Variants in PHACTR3 observed in about 807,000 individuals in gnomAD.
PHACTR3 encodes protein phosphatase 1, regulatory subunit 123.
Under a neutral mutation model 66.8 loss-of-function variants are expected in PHACTR3, and 16 were observed. That is an observed-to-expected ratio of 0.24 (90% CI 0.16 to 0.36). The LOEUF (loss-of-function observed/expected upper bound fraction) is 0.36, where lower values mean the gene tolerates loss of function less well. Ranked by LOEUF, PHACTR3 falls within the 10% of genes least tolerant of loss-of-function variation. PHACTR3 has a pLI of 1.00. For missense variants in PHACTR3, 647 were observed against 719.9 expected, an observed-to-expected ratio of 0.90 and a Z score of 1.16; for synonymous variants, 323 against 292.1, an observed-to-expected ratio of 1.11 and a Z score of -1.08.
intron 7 of PHACTR3, among the ~76,000 whole-genome samples, chr20:59,784,692 G>T (rs2040844424): frequency 6.6e-6 from 1 of 152,188 alleles, no homozygotes; most frequent in Admixed American, 6.5e-5. Context: ...AAAGTGTGAA[G>T]CCTCTGAGGG....
chr20:59,600,186 A>C (rs2033435331), upstream of PHACTR3, among the ~76,000 whole-genome samples: 1 of 151,946 alleles, frequency 6.6e-6, no homozygotes, highest in African/African-American at 2.4e-5. Flanking sequence ...GTTGGCTTCC[A>C]TTTGCCCTTG....
At chr20:59,694,058 C>T (rs1601121694) in intron 1 of PHACTR3, among the ~76,000 whole-genome samples, 1 of 152,316 alleles carries the variant, frequency 6.6e-6, no homozygotes, top group South Asian at 2.1e-4. Context: ...TTGCAATTTG[C>T]CTCACTGACC....
rs138034342 is a variant in PHACTR3, at chr20:59,702,774, T to C, written c.119-40333T>C. Among the ~76,000 whole-genome samples the C allele has an allele frequency of 1.3e-3, 199 of 152,322 alleles. 1 individual carries two copies. Among genetic ancestry groups the C allele is most frequent in the African/African-American group, 4.5e-3 (187 of 41,576 alleles). ...AAGTTGATGGCTTTCCATCTACACA[T>C]ATTGTATTCATCCGTGAAAAGAGAG... On this transcript the variant is annotated intron_variant, in intron 1 of 12. Coordinates refer to ENST00000371015, the MANE Select transcript of PHACTR3 (RefSeq NM_080672.5).
intron 7 of PHACTR3, among the ~76,000 whole-genome samples, chr20:59,802,848 C>A (rs1303279919): frequency 6.6e-6 from 1 of 152,176 alleles, no homozygotes; most frequent in Admixed American, 6.5e-5. Flanking sequence ...TTGCACAATG[C>A]ATGGATGTTT....
At chr20:59,734,591 A>G (rs1056094377) in intron 1 of PHACTR3, among the ~76,000 whole-genome samples, 21 of 152,230 alleles carry the variant, frequency 1.4e-4, no homozygotes, top group Admixed American at 1.4e-3. Flanking sequence ...TATTATGTGT[A>G]CTAAGTTGTG....
In PHACTR3 at chr20:59,643,110, A is replaced by G. The variant is rs1600991670; in HGVS notation, c.118+37978A>G. 2.6e-5 allele frequency among the ~76,000 whole-genome samples: 4 copies of G among 152,072 alleles called. No individual in the cohort carries two copies. The South Asian group carries it at 8.3e-4, about 32-fold the overall frequency. ...GTATTTTTAGTAGAGACGGGGTTTC[A>G]CCATGTTAGCCAGGATGGTCTCGAT... is the stretch of plus-strand genomic sequence containing the variant. On this transcript the variant is annotated intron_variant, in intron 1 of 12. Coordinates refer to ENST00000371015, the MANE Select transcript of PHACTR3 (RefSeq NM_080672.5).
chr20:59,746,227 A>C (rs560200358), intron 2 of PHACTR3, among the ~76,000 whole-genome samples: 1 of 152,320 alleles, frequency 6.6e-6, no homozygotes, highest in South Asian at 2.1e-4. Context: ...AAATATCCTC[A>C]GGGAAGCCAC....
intron 1 of PHACTR3, among the ~76,000 whole-genome samples, chr20:59,741,340 G>A (rs1323957993): frequency 6.6e-6 from 1 of 152,238 alleles, no homozygotes; most frequent in Non-Finnish European, 1.5e-5. Flanking sequence ...CAGAGGTCTG[G>A]GCTCCTGTGG....
intron 1 of PHACTR3, among the ~76,000 whole-genome samples, chr20:59,682,524 G>T (rs2036701196): frequency 6.6e-6 from 1 of 152,184 alleles, no homozygotes; most frequent in Non-Finnish European, 1.5e-5. Context: ...ACCAGTAGGG[G>T]ATCGTCCTGC....
At chr20:59,654,131 A>C (rs2035542630) in intron 1 of PHACTR3, among the ~76,000 whole-genome samples, 1 of 152,212 alleles carries the variant, frequency 6.6e-6, no homozygotes, top group East Asian at 1.9e-4. Context: ...AGAATTATAA[A>C]AATCTGTGCC....
intron 1 of PHACTR3, among the ~76,000 whole-genome samples, chr20:59,684,252 C>T (rs77749998): frequency 0.028 from 4,280 of 152,176 alleles, 81 homozygotes; most frequent in Middle Eastern, 0.065. Flanking sequence ...GTTTCTTTTT[C>T]AGTTTATATA....
intron 7 of PHACTR3, among the ~76,000 whole-genome samples, chr20:59,785,362 T>TTACC (rs2040869083): frequency 1.3e-5 from 2 of 152,174 alleles, no homozygotes; most frequent in Non-Finnish European, 2.9e-5. Flanking sequence ...TTAACCTTAG[T>TTACC]TACCTCCTTA....
chr20:59,712,484 C>T (rs186617357), intron 1 of PHACTR3, among the ~76,000 whole-genome samples: 183 of 152,210 alleles, frequency 1.2e-3, no homozygotes, highest in African/African-American at 4.3e-3. Flanking sequence ...ATACTGTGGT[C>T]CCCTCCCAGC....
intron 1 of PHACTR3, among the ~76,000 whole-genome samples, chr20:59,740,515 T>C (rs2039114296): frequency 6.6e-6 from 1 of 151,276 alleles, no homozygotes; most frequent in African/African-American, 2.4e-5. Flanking sequence ...CAGGCTGGTC[T>C]CAAACTCTTG....
rs148249591 is a variant in PHACTR3 at position 59,767,244 on chromosome 20, C to G, written c.600C>G (p.Thr200=). 54 of 1,614,140 alleles carry G rather than the reference C, an allele frequency of 3.3e-5. No homozygotes were observed. The highest frequency in any genetic ancestry group is 4.4e-5 in the Non-Finnish European group (52 of 1,180,060). Residue 200 remains threonine, a synonymous_variant, in exon 5 of 13, where the codon ACC becomes ACG. Transcript: ENST00000371015. ...EEADAGSLLP[T]TNELSQALAG... Reference sequence around the variant, plus strand: ...CAGACGCTGGCAGCCTCCTGCCCACCACCAATGAGCTCTCCCAAGCCTTAG... The same window carrying G: ...CAGACGCTGGCAGCCTCCTGCCCACGACCAATGAGCTCTCCCAAGCCTTAG...
intron 1 of PHACTR3, among the ~76,000 whole-genome samples, chr20:59,585,740 T>C (rs1489117234): frequency 6.6e-6 from 1 of 152,160 alleles, no homozygotes; most frequent in African/African-American, 2.4e-5. Context: ...GGAGGCCTCC[T>C]CTCCTCACCC....
At chr20:59,673,920 C>T (rs1221281865) in intron 1 of PHACTR3, among the ~76,000 whole-genome samples, 3 of 152,148 alleles carry the variant, frequency 2.0e-5, no homozygotes, top group Admixed American at 6.5e-5. Flanking sequence ...ACAGGAAGGC[C>T]GGATCAAGCT....
At chr20:59,626,080 T>G (rs748029587) in intron 1 of PHACTR3, among the ~76,000 whole-genome samples, 15 of 152,186 alleles carry the variant, frequency 9.9e-5, no homozygotes, top group Non-Finnish European at 1.8e-4. Flanking sequence ...AAATATTATT[T>G]GCAATCCTCT....
chr20:59,659,099 T>G (rs2035725651), intron 1 of PHACTR3, among the ~76,000 whole-genome samples: 1 of 152,200 alleles, frequency 6.6e-6, no homozygotes, highest in South Asian at 2.1e-4. Context: ...TCTTCATACA[T>G]GTTTACCTTT....
Sources: gnomAD v4.1 joint callset for allele counts (sites outside exome capture counted in the v4.1 genomes callset) on GRCh38, gnomAD v4.1.1 for gene constraint, MANE v1.5 for transcripts, NCBI Gene and HGNC (gene_info 2026-07-23, HGNC 2026-07-21) for gene names.